Variants in PTCHD4 observed in about 807,000 individuals in gnomAD.
PTCHD4 encodes patched domain-containing protein 4.
In PTCHD4, 33 loss-of-function variants were observed where a neutral mutation model predicts 58.1. The ratio of observed to expected loss-of-function variants is 0.57; its 90% CI spans 0.43 to 0.76. PTCHD4 has a LOEUF of 0.76. Ranked by LOEUF, PTCHD4 falls within the 30% of genes least tolerant of loss-of-function variation. The probability of loss-of-function intolerance (pLI) is 0.00; values close to 1 mark genes in which losing one functional copy is unlikely to be tolerated. For missense variants in PTCHD4, 1,058 were observed against 1,027.1 expected (o/e 1.03, Z -0.41); for synonymous variants, 478 against 409.6 (o/e 1.17, Z -2.02).
intron 3 of PTCHD4, among the ~76,000 whole-genome samples, chr6:48,032,076 T>TC (rs1343478579): frequency 1.0e-5 from 1 of 97,846 alleles, no homozygotes; most frequent in Non-Finnish European, 2.6e-5. Context: ...ACCCCAGGCA[T>TC]TTTTTTTTTG....
At chr6:47,917,701 C>T (rs955730003) in intron 4 of PTCHD4, among the ~76,000 whole-genome samples, 5 of 152,084 alleles carry the variant, frequency 3.3e-5, no homozygotes, top group Non-Finnish European at 7.4e-5. Flanking sequence ...GTATATATGT[C>T]TCCTATGTGG....
At chr6:47,890,319 A>T (rs1462520452) in intron 4 of PTCHD4, among the ~76,000 whole-genome samples, 1 of 152,092 alleles carries the variant, frequency 6.6e-6, no homozygotes, top group South Asian at 2.1e-4. Context: ...CAAGATTTTC[A>T]TACTCAAAGT....
intron 4 of PTCHD4, among the ~76,000 whole-genome samples, chr6:47,888,706 T>C (rs1243948328): frequency 6.6e-6 from 1 of 151,654 alleles, no homozygotes; most frequent in Non-Finnish European, 1.5e-5. Context: ...GTGCACATTG[T>C]GCAGGTTAGA....
At chr6:48,041,243 T>C (rs1015984272) in intron 3 of PTCHD4, among the ~76,000 whole-genome samples, 6 of 152,026 alleles carry the variant, frequency 3.9e-5, no homozygotes, top group Non-Finnish European at 7.4e-5. Context: ...GAAACATCAG[T>C]CCTGCTACCA....
intron 4 of PTCHD4, among the ~76,000 whole-genome samples, chr6:47,956,137 GAGAGA>G (rs2113957675): frequency 6.6e-6 from 1 of 152,256 alleles, no homozygotes; most frequent in South Asian, 2.1e-4. Context: ...TCTTTTCATT[GAGAGA>G]TATTACACAT....
chr6:48,068,376 G>C lies in PTCHD4; in HGVS notation c.271C>G (p.Leu91Val), dbSNP rs772979182. The C allele has an allele frequency of 4.3e-6, 7 of 1,613,848 alleles. No individual in the cohort carries two copies. The South Asian group carries it at 7.7e-5, about 18-fold the overall frequency. Residue 91 changes from leucine to valine, a missense_variant, in exon 3 of 5, where the codon CTG becomes GTG. Physicochemically the swap from Leu to Val is conservative, Grantham distance 32 (BLOSUM62 1). Transcript: ENST00000339488. This position sits in a 1 kb window ranked among gnomAD's most constrained non-coding sequence, Gnocchi z 4.2. Reference sequence around the variant, plus strand: ...TAGAGCTGGCTTTTGGACTGGTCCAGGGGGAAAAGGCTGCTGGCCAGGCTG... The same window carrying C: ...TAGAGCTGGCTTTTGGACTGGTCCACGGGGAAAAGGCTGCTGGCCAGGCTG... ...ERSLASSLFP[L>V]DQSKSQLYSD...
intron 4 of PTCHD4, among the ~76,000 whole-genome samples, chr6:47,973,261 G>A (rs1364579496): frequency 3.3e-5 from 5 of 152,118 alleles, no homozygotes; most frequent in Non-Finnish European, 5.9e-5. Flanking sequence ...CCTTTAAGAA[G>A]AATTATTGTG....
intron 1 of PTCHD4, among the ~76,000 whole-genome samples, chr6:48,110,464 G>C (rs1765841555): frequency 6.6e-6 from 1 of 151,912 alleles, no homozygotes; most frequent in Non-Finnish European, 1.5e-5. Flanking sequence ...GGTTACAAAG[G>C]GTGAGGTGAG....
In PTCHD4 at chr6:47,868,279, C is replaced by T. The variant is rs777013628; in HGVS notation, c.*10024G>A. On this transcript the variant is annotated 3_prime_UTR_variant, in exon 5 of 5. Transcript: ENST00000339488. ...TTTTACTATCAAGATGTGTATAGCT[C>T]TAGGTTGTAGCATTTCAACTTATAG... Among the ~76,000 whole-genome samples, 1 of 151,292 alleles carries T rather than the reference C, an allele frequency of 6.6e-6. No homozygotes were observed. Among genetic ancestry groups the T allele is most frequent in the African/African-American group, 2.4e-5 (1 of 41,218 alleles).
chr6:47,905,446 A>G (rs760686427), intron 4 of PTCHD4, among the ~76,000 whole-genome samples: 1 of 152,204 alleles, frequency 6.6e-6, no homozygotes, highest in African/African-American at 2.4e-5. Flanking sequence ...TGAACTAAAT[A>G]TTATTCTGGG....
chr6:47,870,569 G>A lies in PTCHD4; in HGVS notation c.*7734C>T, dbSNP rs1047600613. ...TTTTGATAATGGACCAAATTCAGGT[G>A]AATTGGAAACTTTGGAAACTTTGGA... On this transcript the variant is annotated 3_prime_UTR_variant, in exon 5 of 5. Transcript: ENST00000339488. Among the ~76,000 whole-genome samples the A allele has an allele frequency of 1.3e-5, 2 of 151,592 alleles. No individual in the cohort carries two copies. The highest frequency in any genetic ancestry group is 3.0e-5 in the Non-Finnish European group (2 of 67,700).
At chr6:47,885,021 T>C (rs1236731351) in intron 4 of PTCHD4, among the ~76,000 whole-genome samples, 4 of 152,242 alleles carry the variant, frequency 2.6e-5, no homozygotes, top group Non-Finnish European at 5.9e-5. Flanking sequence ...CAGTATATTT[T>C]TGATTTATGT....
intron 4 of PTCHD4, chr6:47,891,056 A>C (rs1349682923): frequency 6.2e-6 from 1 of 160,762 alleles, no homozygotes; most frequent in African/African-American, 2.4e-5. Context: ...AAAAAAAAAA[A>C]AAAAAAGTAC....
At chr6:48,092,687 G>A (rs936505935) in intron 1 of PTCHD4, among the ~76,000 whole-genome samples, 4 of 152,084 alleles carry the variant, frequency 2.6e-5, no homozygotes, top group African/African-American at 9.7e-5. Context: ...TGCTGTGATA[G>A]GGCAGAAAGG....
intron 4 of PTCHD4, among the ~76,000 whole-genome samples, chr6:47,970,185 A>G (rs1248255761): frequency 6.6e-6 from 1 of 152,194 alleles, no homozygotes; most frequent in Non-Finnish European, 1.5e-5. Context: ...TTCTAATAAT[A>G]CAGAGCATAT....
rs147490825 is a variant in PTCHD4, at chr6:47,939,321, G to A, written c.899-59385C>T. Among the ~76,000 whole-genome samples the A allele has an allele frequency of 4.6e-5, 7 of 151,402 alleles. 1 individual carries two copies. In the East Asian group the frequency reaches 7.7e-4, roughly 17 times the overall value. On this transcript the variant is annotated intron_variant, in intron 4 of 4. Coordinates refer to ENST00000339488, the MANE Select transcript of PTCHD4 (RefSeq NM_001384253.1). ...GTCTGGAGAGGGGCCTGAGGATTAC[G>A]TGGTATTGATGTCTCTGGTTGGAGA...
At chr6:48,101,266 G>A (rs1765596666) in intron 1 of PTCHD4, among the ~76,000 whole-genome samples, 1 of 152,100 alleles carries the variant, frequency 6.6e-6, no homozygotes, top group Non-Finnish European at 1.5e-5. Context: ...AATTCAATGT[G>A]AAGATCAATT....
At chr6:48,001,824 C>T (rs1235714397) in intron 4 of PTCHD4, among the ~76,000 whole-genome samples, 2 of 152,302 alleles carry the variant, frequency 1.3e-5, no homozygotes, top group East Asian at 3.9e-4. Context: ...GAACAGGCAA[C>T]CTACAGAATG....
chr6:48,056,120 C>T (rs187074890), intron 3 of PTCHD4, among the ~76,000 whole-genome samples: 18 of 152,224 alleles, frequency 1.2e-4, no homozygotes, highest in Admixed American at 6.5e-4. Context: ...TCATTTCATC[C>T]GTCATTTACT....
Sources: allele counts gnomAD v4.1 joint callset (sites outside exome capture counted in the v4.1 genomes callset), GRCh38; gene constraint gnomAD v4.1.1; non-coding constraint Gnocchi (gnomAD v3.1); transcripts MANE v1.5; gene names NCBI Gene and HGNC (gene_info 2026-07-23, HGNC 2026-07-21).